Variants in SEZ6L observed in about 807,000 individuals in gnomAD.
The protein encoded by SEZ6L is seizure related 6 homolog like, also known as seizure 6-like protein.
SEZ6L carries 37 observed loss-of-function variants against 106.2 expected under a neutral mutation model. The ratio of observed to expected loss-of-function variants is 0.35; its 90% CI spans 0.27 to 0.46. The LOEUF (loss-of-function observed/expected upper bound fraction) is 0.46, where lower values mean the gene tolerates loss of function less well. SEZ6L is among the 20% of genes least tolerant of loss of function. The pLI is 1.00. For missense variants in SEZ6L, 1,172 were observed against 1,332.8 expected, an observed-to-expected ratio of 0.88 and a Z score of 1.88; for synonymous variants, 541 against 570.4, an observed-to-expected ratio of 0.95 and a Z score of 0.73.
intron 1 of SEZ6L, among the ~76,000 whole-genome samples, chr22:26,266,863 G>T (rs2080207714): frequency 6.6e-6 from 1 of 152,036 alleles, no homozygotes; most frequent in Non-Finnish European, 1.5e-5. Context: ...TGAATGCAAG[G>T]TGAAAGCAAT....
chr22:26,355,172 T>C (rs1231815289), intron 12 of SEZ6L, among the ~76,000 whole-genome samples: 1 of 152,190 alleles, frequency 6.6e-6, no homozygotes, highest in Non-Finnish European at 1.5e-5. Flanking sequence ...TCCCCAACAC[T>C]AACACTCTTC....
intron 1 of SEZ6L, among the ~76,000 whole-genome samples, chr22:26,201,952 C>T (rs1940986713): frequency 1.3e-5 from 2 of 152,102 alleles, no homozygotes; most frequent in Admixed American, 6.6e-5. Flanking sequence ...CTGGCTCTGT[C>T]GCCCAGGCTG....
chr22:26,339,973 G>A (rs2082773063), intron 9 of SEZ6L, among the ~76,000 whole-genome samples: 2 of 152,140 alleles, frequency 1.3e-5, no homozygotes, highest in African/African-American at 2.4e-5. Flanking sequence ...AGTGACTCAC[G>A]CCTGTAATCC....
chr22:26,347,569 C>T (rs892395186), intron 10 of SEZ6L, 150 bp from the exon 11 acceptor site: 16 of 573,688 alleles, frequency 2.8e-5, no homozygotes, highest in Middle Eastern at 8.6e-4. Context: ...TCACTATAGA[C>T]GAGCTCTTGC....
chr22:26,189,753 G>A (rs1011119145), intron 1 of SEZ6L, among the ~76,000 whole-genome samples: 51 of 152,090 alleles, frequency 3.4e-4, no homozygotes, highest in African/African-American at 1.2e-3. Context: ...AGTCTCACAT[G>A]GATACTGGCA....
intron 13 of SEZ6L, among the ~76,000 whole-genome samples, chr22:26,370,635 C>T (rs2083998624): frequency 6.6e-6 from 1 of 151,874 alleles, no homozygotes; most frequent in Admixed American, 6.6e-5. Flanking sequence ...TCACACCTTT[C>T]CCTAGTCTTA....
At chr22:26,347,511 A>G (rs951518390) in intron 10 of SEZ6L, among the ~76,000 whole-genome samples, 7 of 152,040 alleles carry the variant, frequency 4.6e-5, no homozygotes, top group African/African-American at 1.7e-4. Context: ...AAACCAAGAG[A>G]ATGTTCAGTG....
At chr22:26,360,997 TAGG>T (rs1444354860) in intron 12 of SEZ6L, among the ~76,000 whole-genome samples, 3 of 151,176 alleles carry the variant, frequency 2.0e-5, no homozygotes. Context: ...TCCCGAGGAG[TAGG>T]AGTATTAGAT....
In SEZ6L at chr22:26,189,565, A is replaced by G. The variant is rs113557421; in HGVS notation, c.94+19802A>G. Among the ~76,000 whole-genome samples the G allele has an allele frequency of 9.6e-3, 1,468 of 152,238 alleles. 22 individuals are homozygous for G. The highest frequency in any genetic ancestry group is 0.034 in the African/African-American group (1,399 of 41,476). On this transcript the variant is annotated intron_variant, in intron 1 of 16. Coordinates refer to ENST00000248933, the MANE Select transcript of SEZ6L (RefSeq NM_021115.5). ...AATAATACAAACTTAAAATTTAAAA[A>G]CCAATATACTATAACAACTATTTAC...
At chr22:26,209,979 A>AGGAAGGG in intron 1 of SEZ6L, among the ~76,000 whole-genome samples, 1 of 138,996 alleles carries the variant, frequency 7.2e-6, no homozygotes, top group Non-Finnish European at 1.6e-5. Context: ...GGGAGGGAGG[A>AGGAAGGG]AGGAAGGAAG....
At chr22:26,239,378 G>T (rs1478948952) in intron 1 of SEZ6L, among the ~76,000 whole-genome samples, 2 of 152,192 alleles carry the variant, frequency 1.3e-5, no homozygotes, top group African/African-American at 4.8e-5. Flanking sequence ...TTCTTTGGAA[G>T]CCTTCTCAAG....
intron 1 of SEZ6L, among the ~76,000 whole-genome samples, chr22:26,258,171 T>G (rs1466084507): frequency 1.3e-5 from 2 of 152,162 alleles, no homozygotes; most frequent in Non-Finnish European, 2.9e-5. Flanking sequence ...AGCCTCTACC[T>G]TTGAAATACA....
chr22:26,313,600 A>ACG (rs2081909743), intron 8 of SEZ6L, among the ~76,000 whole-genome samples, 164 bp from the exon 9 acceptor site: 1 of 62,398 alleles, frequency 1.6e-5, no homozygotes, highest in Admixed American at 1.6e-4. Flanking sequence ...ACACACACAC[A>ACG]CACGCACACA....
chr22:26,247,010 A>T (rs1365975091), intron 1 of SEZ6L, among the ~76,000 whole-genome samples: 5 of 152,192 alleles, frequency 3.3e-5, no homozygotes, highest in African/African-American at 9.7e-5. Flanking sequence ...AGGCTTTGCA[A>T]ATATCAAGGG....
intron 1 of SEZ6L, among the ~76,000 whole-genome samples, chr22:26,261,538 A>G (rs546173739): frequency 3.3e-4 from 51 of 152,266 alleles, no homozygotes; most frequent in African/African-American, 1.2e-3. Flanking sequence ...CCATTTATTG[A>G]CCACTTACTG....
chr22:26,305,254 T>C (rs2081595374), intron 5 of SEZ6L, among the ~76,000 whole-genome samples: 1 of 152,216 alleles, frequency 6.6e-6, no homozygotes, highest in Non-Finnish European at 1.5e-5. Flanking sequence ...AGAAACAAGA[T>C]AGCCATGAAT....
intron 10 of SEZ6L, among the ~76,000 whole-genome samples, chr22:26,343,975 G>A (rs1036494764): frequency 6.6e-6 from 1 of 152,236 alleles, no homozygotes; most frequent in Non-Finnish European, 1.5e-5. Flanking sequence ...GATTAGTGAT[G>A]CCTGCCATGG....
At chr22:26,331,541 A>G (rs529287711) in intron 9 of SEZ6L, among the ~76,000 whole-genome samples, 18 of 152,356 alleles carry the variant, frequency 1.2e-4, no homozygotes, top group African/African-American at 4.3e-4. Context: ...TTTATCTATC[A>G]AAATTAAGCC....
intron 1 of SEZ6L, among the ~76,000 whole-genome samples, chr22:26,257,851 A>G (rs1481990364): frequency 6.6e-6 from 1 of 152,084 alleles, no homozygotes; most frequent in Admixed American, 6.6e-5. Flanking sequence ...TCTTATAGAA[A>G]CCCCAGGGAG....
Sources: allele counts gnomAD v4.1 joint callset (sites outside exome capture counted in the v4.1 genomes callset), GRCh38; gene constraint gnomAD v4.1.1; transcripts MANE v1.5; gene names NCBI Gene and HGNC (gene_info 2026-07-23, HGNC 2026-07-21).